TRPM3: variants seen among roughly 807,000 people sequenced by gnomAD.
TRPM3 encodes the protein transient receptor potential cation channel subfamily M member 3.
TRPM3 carries 77 observed loss-of-function variants against 181.2 expected under a neutral mutation model. The ratio of observed to expected loss-of-function variants is 0.42; its 90% CI spans 0.35 to 0.51. TRPM3 has a LOEUF of 0.51. Among genes scored for constraint, TRPM3 ranks in the 20% least tolerant of loss-of-function variants. The pLI, the probability that TRPM3 is intolerant of heterozygous loss-of-function variation, is 0.01. For synonymous variants in TRPM3, 745 were observed against 796.4 expected (o/e 0.94, Z 1.09); for missense variants, 1,759 against 2,196.7 (o/e 0.80, Z 3.98).
At chr9:71,126,069 A>G (rs1412543012), upstream of TRPM3, among the ~76,000 whole-genome samples, 1 of 152,218 alleles carries the variant, frequency 6.6e-6, no homozygotes, top group Non-Finnish European at 1.5e-5. Flanking sequence ...AAGGACATGA[A>G]CGGACACTTC....
intron 1 of TRPM3, among the ~76,000 whole-genome samples, chr9:71,272,624 A>G (rs1054727770): frequency 3.7e-4 from 57 of 152,310 alleles, no homozygotes; most frequent in African/African-American, 1.2e-3. Flanking sequence ...ACATACCTGT[A>G]CATAGTTTAT....
chr9:71,434,165 T>TATAA (rs1024240586), intron 1 of TRPM3, among the ~76,000 whole-genome samples: 1 of 151,784 alleles, frequency 6.6e-6, no homozygotes, highest in African/African-American at 2.4e-5. Flanking sequence ...TCTCAAAAAA[T>TATAA]ATAAATAAAT....
chr9:70,646,412 C>A (rs1299848579), intron 9 of TRPM3, among the ~76,000 whole-genome samples: 4 of 152,100 alleles, frequency 2.6e-5, no homozygotes, highest in Non-Finnish European at 2.9e-5. Context: ...AGTTCATGAC[C>A]TTTGCAGGGA....
chr9:71,152,957 C>T (rs1483363844), intron 1 of TRPM3, among the ~76,000 whole-genome samples: 4 of 152,112 alleles, frequency 2.6e-5, no homozygotes, highest in African/African-American at 9.7e-5. Flanking sequence ...TTAGTAAAGT[C>T]AGCATAATGT....
chr9:70,980,206 G>A (rs922968998), intron 1 of TRPM3, among the ~76,000 whole-genome samples: 11 of 152,158 alleles, frequency 7.2e-5, no homozygotes, highest in African/African-American at 2.4e-4. Flanking sequence ...CTGCTACCAG[G>A]AGGAGAGATC....
chr9:70,608,393 A>T (rs912372412), intron 19 of TRPM3, among the ~76,000 whole-genome samples: 1 of 91,728 alleles, frequency 1.1e-5, no homozygotes, highest in African/African-American at 3.0e-5. Flanking sequence ...TAAAAATGTA[A>T]AAACCATTCT....
intron 21 of TRPM3, among the ~76,000 whole-genome samples, chr9:70,593,887 CATAT>C (rs913702757): frequency 6.8e-6 from 1 of 146,108 alleles, no homozygotes; most frequent in Non-Finnish European, 1.5e-5. Flanking sequence ...ATATAATACA[CATAT>C]ATATAATATG....
At chr9:71,064,414 T>A (rs1042738814) in intron 1 of TRPM3, among the ~76,000 whole-genome samples, 1 of 150,728 alleles carries the variant, frequency 6.6e-6, no homozygotes, top group South Asian at 2.1e-4. Flanking sequence ...AAGGTAAGTA[T>A]CACCATGGTT....
intron 6 of TRPM3, among the ~76,000 whole-genome samples, chr9:70,811,413 C>T (rs2092015149): frequency 6.6e-6 from 1 of 152,190 alleles, no homozygotes; most frequent in South Asian, 2.1e-4. Flanking sequence ...CCAGCTATAT[C>T]TTGTCTTATC....
chr9:71,120,191 C>T (rs1255697359), intron 1 of TRPM3, among the ~76,000 whole-genome samples: 1 of 152,202 alleles, frequency 6.6e-6, no homozygotes, highest in African/African-American at 2.4e-5. Flanking sequence ...GGACTCAATG[C>T]TCTGTGGTCA....
chr9:71,023,893 G>C (rs778590004), intron 1 of TRPM3, among the ~76,000 whole-genome samples: 5 of 152,126 alleles, frequency 3.3e-5, no homozygotes, highest in African/African-American at 1.2e-4. Flanking sequence ...AGGTCCTTGT[G>C]GGGATGGAAC....
At chr9:71,395,879 T>G in intron 1 of TRPM3, among the ~76,000 whole-genome samples, 1 of 152,176 alleles carries the variant, frequency 6.6e-6, no homozygotes, top group East Asian at 1.9e-4. Flanking sequence ...CTTGACAATC[T>G]GAAAGCAGGA....
rs570271384 is a variant in TRPM3 at position 71,285,400 on chromosome 9, C to CA, written c.183+161252dup. 3.3e-5 allele frequency among the ~76,000 whole-genome samples: 5 copies of CA among 152,216 alleles called. No individual in the cohort carries two copies. The East Asian group carries it at 9.6e-4, about 29-fold the overall frequency. ...TTCTTCCTATTCTTTTTTGTGTACC[C>CA]AAACAAGCAAGGAAACACTGAGCAA... On this transcript the variant is annotated intron_variant, in intron 1 of 24. Coordinates refer to the TRPM3 transcript ENST00000357533.
At chr9:70,608,664 C>CATCT in intron 19 of TRPM3, among the ~76,000 whole-genome samples, 1 of 152,170 alleles carries the variant, frequency 6.6e-6, no homozygotes. Flanking sequence ...GGCAAAACCC[C>CATCT]ATCTCTACTA....
At chr9:71,227,465 C>A (rs150153492) in intron 1 of TRPM3, among the ~76,000 whole-genome samples, 28 of 151,860 alleles carry the variant, frequency 1.8e-4, no homozygotes, top group African/African-American at 6.5e-4. Context: ...GCAAACCAAA[C>A]CCAAAGTTAG....
At chr9:71,137,852 C>T (rs1205782012) in intron 1 of TRPM3, among the ~76,000 whole-genome samples, 1 of 152,156 alleles carries the variant, frequency 6.6e-6, no homozygotes, top group Non-Finnish European at 1.5e-5. Context: ...CGAGGTGGCT[C>T]ACACCTACAA....
chr9:70,981,076 T>TC (rs2097359271), intron 1 of TRPM3, among the ~76,000 whole-genome samples: 2 of 152,226 alleles, frequency 1.3e-5, no homozygotes, highest in South Asian at 4.1e-4. Context: ...ATTTTTAAAT[T>TC]ACCATGAGCT....
chr9:70,758,259 A>G (rs1190741770), intron 8 of TRPM3, among the ~76,000 whole-genome samples: 1 of 152,202 alleles, frequency 6.6e-6, no homozygotes, highest in African/African-American at 2.4e-5. Flanking sequence ...AATACCTAGG[A>G]ATCCAACTTA....
chr9:70,854,583 G>A (rs1445162085), intron 3 of TRPM3, among the ~76,000 whole-genome samples: 1 of 152,092 alleles, frequency 6.6e-6, no homozygotes, highest in Non-Finnish European at 1.5e-5. Flanking sequence ...GTTATCTGGG[G>A]AGTGATTGGT....
Sources: allele counts gnomAD v4.1 joint callset (sites outside exome capture counted in the v4.1 genomes callset), GRCh38; gene constraint gnomAD v4.1.1; transcripts MANE v1.5; gene names NCBI Gene and HGNC (gene_info 2026-07-23, HGNC 2026-07-21).